SUPT5H: variants seen among roughly 807,000 people sequenced by gnomAD.
The protein encoded by SUPT5H is transcription elongation factor SPT5.
SUPT5H carries 24 observed loss-of-function variants against 142.5 expected under a neutral mutation model. The ratio of observed to expected loss-of-function variants is 0.17; its 90% confidence interval spans 0.12 to 0.24. The LOEUF is 0.24. Ranked by LOEUF, SUPT5H falls within the 10% of genes least tolerant of loss-of-function variation. The pLI is 1.00. For missense variants in SUPT5H, 893 were observed against 1,471.8 expected (o/e 0.61, Z 6.43); for synonymous variants, 546 against 553.0 (o/e 0.99, Z 0.18).
intron 19 of SUPT5H, 36 bp from the exon 20 acceptor site, chr19:39,471,569 C>T (rs2079320712): frequency 1.1e-5 from 17 of 1,613,904 alleles, no homozygotes; most frequent in Non-Finnish European, 1.4e-5. Flanking sequence ...GTGAGGGGGA[C>T]ATGGTCAAGA....
At position 39,458,228 on chromosome 19, in the gene SUPT5H, TCGCC is replaced by T; in HGVS notation, c.308-64_308-61del. On this transcript the variant is annotated intron_variant, in intron 4 of 29. Transcript: ENST00000432763. This position sits in a 1 kb window ranked among gnomAD's most constrained non-coding sequence, Gnocchi z 4.2. The stretch of plus-strand genomic sequence containing the variant: ...AATTTGGCTCATACTTTGTCTGCCC[TCGCC>T]CACCACCACCACCACCACCACCACC... The T allele has an allele frequency of 1.3e-6, 2 of 1,533,640 alleles. No homozygotes were observed. The highest frequency in any genetic ancestry group is 1.2e-5 in the South Asian group (1 of 82,184).
At chr19:39,448,980 C>G (rs2078986539) in intron 2 of SUPT5H, among the ~76,000 whole-genome samples, 1 of 142,744 alleles carries the variant, frequency 7.0e-6, no homozygotes, top group Non-Finnish European at 1.5e-5. Context: ...GTCCCTGCTA[C>G]TTGGGAGGCT....
Position 39,472,767 on chromosome 19 carries a change from G to A in SUPT5H, c.2036-43G>A, listed in dbSNP as rs1304423936. 1 of 1,587,120 alleles carries A rather than the reference G, an allele frequency of 6.3e-7. No individual in the cohort carries two copies. On this transcript the variant is annotated intron_variant, in intron 21 of 29. Coordinates refer to ENST00000432763, the MANE Select transcript of SUPT5H (RefSeq NM_001111020.3). The surrounding 1 kb of genome is among the most constrained non-coding windows in gnomAD (Gnocchi z 4.2). ...ACGTTCTGATGGTGCCCTTGCTGTG[G>A]GCACAGCCGTGGGGGACCAGTGACA... is the stretch of plus-strand genomic sequence containing the variant.
At position 39,471,709 on chromosome 19, in the gene SUPT5H, G is replaced by C. The variant is rs758797006; in HGVS notation, c.1929G>C (p.Leu643=). 1 of 1,614,088 alleles carries C rather than the reference G, an allele frequency of 6.2e-7. No homozygotes were observed. Among genetic ancestry groups the C allele is most frequent in the Non-Finnish European group, 8.5e-7 (1 of 1,179,992 alleles). ...TGTTTGTCTGCAAGACCCGCCACCTGGTGCTGGCTGGGGGCTCAAAGGTGA... is the reference window on the plus strand; with the variant it reads ...TGTTTGTCTGCAAGACCCGCCACCTCGTGCTGGCTGGGGGCTCAAAGGTGA... ...GGMFVCKTRH[L]VLAGGSKPRD... The change falls in exon 20 of 30, where the codon CTG becomes CTC. Residue 643 remains leucine (L), a synonymous_variant. Transcript: ENST00000432763.
Position 39,470,715 on chromosome 19 carries a change from C to G in SUPT5H, c.1677+192C>G, listed in dbSNP as rs1044325711. ...CCCTCCCCTTGCCTGTTTTCACACC[C>G]TATAAAATGGAAACGAGAGCAGCGT... On this transcript the variant is annotated intron_variant, in intron 18 of 29. Coordinates refer to ENST00000432763, the MANE Select transcript of SUPT5H (RefSeq NM_001111020.3). The surrounding 1 kb of genome is among the most constrained non-coding windows in gnomAD (Gnocchi z 5.8). Among the ~76,000 whole-genome samples, 6 of 152,144 alleles carry G rather than the reference C, an allele frequency of 3.9e-5. No individual in the cohort carries two copies. The highest frequency in any genetic ancestry group is 1.4e-4 in the African/African-American group (6 of 41,424).
chr19:39,469,407 C>G lies in SUPT5H; in HGVS notation c.1374+9C>G. On this transcript the variant is annotated intron_variant, in intron 16 of 29. Transcript: ENST00000432763. The surrounding 1 kb of genome is among the most constrained non-coding windows in gnomAD (Gnocchi z 5.1). The stretch of plus-strand genomic sequence containing the variant: ...AGCATGAGGACCTCAAGGTGGGTGC[C>G]CGGTGTTCTCGGGCAGGGGTTGGAG... 6.2e-7 allele frequency: 1 copy of G among 1,614,152 alleles called. No homozygotes were observed. Among genetic ancestry groups the G allele is most frequent in the Admixed American group, 1.7e-5 (1 of 60,020 alleles).
intron 10 of SUPT5H, among the ~76,000 whole-genome samples, chr19:39,461,941 A>AT (rs1258882475): frequency 2.0e-5 from 3 of 150,202 alleles, no homozygotes; most frequent in East Asian, 1.9e-4. Context: ...TCTGATTATT[A>AT]TTTTTTTTTG....
At position 39,453,477 on chromosome 19, in the gene SUPT5H, C is replaced by A; in HGVS notation, c.197C>A (p.Pro66His). Residue 66 changes from proline to histidine, a missense_variant, in exon 3 of 30, where the codon CCC becomes CAC. Coordinates refer to ENST00000432763, the MANE Select transcript of SUPT5H (RefSeq NM_001111020.3). ...EEEEEEDDDR[P>H]PKKPRHGGFI... ...GAGGAGGAAGAAGATGATGACCGAC[C>A]CCCCAAGAAACCCCGCCATGGAGGC... is the stretch of plus-strand genomic sequence containing the variant. 1 of 1,550,462 alleles carries A rather than the reference C, an allele frequency of 6.4e-7. No individual in the cohort carries two copies. Among genetic ancestry groups the A allele is most frequent in the Non-Finnish European group, 8.7e-7 (1 of 1,146,232 alleles).
At position 39,456,504 on chromosome 19, in the gene SUPT5H, C is replaced by G. The variant is rs549793977; in HGVS notation, c.242-1171C>G. 5.3e-5 allele frequency among the ~76,000 whole-genome samples: 8 copies of G among 151,702 alleles called. No individual in the cohort carries two copies. In the South Asian group the frequency reaches 1.7e-3, roughly 32 times the overall value. ...TGTGATCTTGGCTCACTGCAACCTC[C>G]ACCTCCCGGGTTCAAGCAATTCTCT... On this transcript the variant is annotated intron_variant, in intron 3 of 29. Transcript: ENST00000432763.
At chr19:39,471,299 G>T (rs1241116128) in intron 18 of SUPT5H, 58 bp from the exon 19 acceptor site, 2 of 1,605,590 alleles carry the variant, frequency 1.2e-6, no homozygotes, top group Non-Finnish European at 1.7e-6. Context: ...GGGAACCCCT[G>T]CCCCGTGTCT....
Position 39,462,060 on chromosome 19 carries a change from A to G in SUPT5H, c.624+2100A>G, listed in dbSNP as rs141139063. Among the ~76,000 whole-genome samples the G allele has an allele frequency of 5.6e-3, 847 of 151,894 alleles. 4 individuals are homozygous for G. The highest frequency in any genetic ancestry group is 0.019 in the African/African-American group (796 of 41,456). ...GTAGCTGGGATTATAGGCATCCGCC[A>G]CCATGCCCGGCTGATTTTTTTGTAT... On this transcript the variant is annotated intron_variant, in intron 10 of 29. Coordinates refer to ENST00000432763, the MANE Select transcript of SUPT5H (RefSeq NM_001111020.3).
Position 39,445,784 on chromosome 19 carries a change from A to G in SUPT5H, c.-87-20A>G, listed in dbSNP as rs1352154887. The G allele has an allele frequency of 4.4e-6, 6 of 1,366,370 alleles. No individual in the cohort carries two copies. The South Asian group carries it at 4.9e-5, about 11-fold the overall frequency. 84.6% of individuals were successfully genotyped at this position (1,366,370 alleles called of 1,614,324 possible). On this transcript the variant is annotated intron_variant, in intron 1 of 29. Transcript: ENST00000432763. ...AAAACGAGCCTGCCGGAAGCGCCCTAAGGGGTTTTCTTCTCCCAGGGAACC... is the reference window on the plus strand; with the variant it reads ...AAAACGAGCCTGCCGGAAGCGCCCTGAGGGGTTTTCTTCTCCCAGGGAACC...
chr19:39,461,821 C>CAAAAAAAAAAAA (rs747295729), intron 10 of SUPT5H, among the ~76,000 whole-genome samples: 1 of 128,416 alleles, frequency 7.8e-6, no homozygotes, highest in African/African-American at 2.8e-5. Context: ...GAGACTGTCT[C>CAAAAAAAAAAAA]AAAAAAAAAA....
At chr19:39,465,191 G>A in intron 11 of SUPT5H, 142 bp downstream of exon 11, 1 of 1,282,350 alleles carries the variant, frequency 7.8e-7, no homozygotes, top group Non-Finnish European at 1.1e-6. Context: ...GGTTTTGTGA[G>A]CACACAGGAA....
At chr19:39,462,839 C>CTTTTT (rs71169597) in intron 10 of SUPT5H, among the ~76,000 whole-genome samples, 6 of 110,332 alleles carry the variant, frequency 5.4e-5, no homozygotes, top group African/African-American at 7.2e-5. Flanking sequence ...CCTTAATTTT[C>CTTTTT]TTTTTTTTTT....
At chr19:39,471,240 C>T (rs2079315484) in intron 18 of SUPT5H, 117 bp from the exon 19 acceptor site, 6 of 1,284,174 alleles carry the variant, frequency 4.7e-6, no homozygotes, top group African/African-American at 1.5e-5. Flanking sequence ...ATTGAGATGC[C>T]TTGTGGAGCT....
chr19:39,466,722 G>A lies in SUPT5H; in HGVS notation c.1014G>A (p.Arg338=). 1.9e-6 allele frequency: 3 copies of A among 1,614,232 alleles called. No individual in the cohort carries two copies. The highest frequency in any genetic ancestry group is 2.5e-6 in the Non-Finnish European group (3 of 1,180,048). ...KRKKFKRPPQ[R]LFDAEKIRSL... is the part of the protein sequence containing the mutation. ...AGAAGTTTAAGCGGCCTCCACAGAGGCTGTTTGATGCTGAGAAGATCAGGT... is the reference window on the plus strand; with the variant it reads ...AGAAGTTTAAGCGGCCTCCACAGAGACTGTTTGATGCTGAGAAGATCAGGT... Residue 338 remains arginine, a synonymous_variant, in exon 13 of 30, where the codon AGG becomes AGA. Transcript: ENST00000432763. This position sits in a 1 kb window ranked among gnomAD's most constrained non-coding sequence, Gnocchi z 4.3.
chr19:39,464,546 C>T (rs1251114463), intron 10 of SUPT5H, among the ~76,000 whole-genome samples: 1 of 152,052 alleles, frequency 6.6e-6, no homozygotes, highest in East Asian at 1.9e-4. Context: ...TCTTTAACTG[C>T]AACATTGTAT....
intron 2 of SUPT5H, among the ~76,000 whole-genome samples, chr19:39,448,330 C>T (rs910649006): frequency 1.3e-5 from 2 of 152,132 alleles, no homozygotes; most frequent in Non-Finnish European, 2.9e-5. Flanking sequence ...TCCAGGCTTG[C>T]AGTGAAGAGT....
Sources: gnomAD v4.1 joint callset for allele counts (sites outside exome capture counted in the v4.1 genomes callset) on GRCh38, gnomAD v4.1.1 for gene constraint, Gnocchi (gnomAD v3.1) non-coding constraint, MANE v1.5 for transcripts, NCBI Gene and HGNC (gene_info 2026-07-23, HGNC 2026-07-21) for gene names.